SLC25A23: variants seen among roughly 807,000 people sequenced by gnomAD.
The protein encoded by SLC25A23 is mitochondrial adenyl nucleotide antiporter SLC25A23.
A neutral mutation model predicts 53.9 loss-of-function variants in SLC25A23; 32 were observed. The ratio of observed to expected loss-of-function variants is 0.59; its 90% CI spans 0.45 to 0.80. The LOEUF is 0.80. Ranked by LOEUF, SLC25A23 falls within the 30% of genes least tolerant of loss-of-function variation. The pLI, the probability that SLC25A23 is intolerant of heterozygous loss-of-function variation, is 0.00. For synonymous variants in SLC25A23, 275 were observed against 264.5 expected (o/e 1.04, Z -0.38); for missense variants, 575 against 651.4 (o/e 0.88, Z 1.28).
downstream of SLC25A23, chr19:6,438,850 C>CA (rs200860562): frequency 0.021 from 3,904 of 184,266 alleles, 68 homozygotes; most frequent in African/African-American, 0.04. Flanking sequence ...ACTCCTATAT[C>CA]AAAAAAAACA....
chr19:6,455,356 G>C (rs2092663292), intron 4 of SLC25A23, among the ~76,000 whole-genome samples: 2 of 151,988 alleles, frequency 1.3e-5, no homozygotes, highest in Non-Finnish European at 2.9e-5. Flanking sequence ...GATTCCAAAA[G>C]ATCCCTTCAG....
Position 6,454,762 on chromosome 19 carries a change from G to A in SLC25A23, c.484-45C>T. The A allele has an allele frequency of 6.2e-7, 1 of 1,604,854 alleles. No individual in the cohort carries two copies. The highest frequency in any genetic ancestry group is 1.1e-5 in the South Asian group (1 of 89,604). On this transcript the variant is annotated intron_variant, in intron 4 of 9. Transcript: ENST00000301454. The surrounding 1 kb of genome is among the most constrained non-coding windows in gnomAD (Gnocchi z 4.3). ...GGGTGTCATGCCATGGTGGGGACAGGGAGATGTGACTCAGTCCTAAATAGG... is the reference window on the plus strand; with the variant it reads ...GGGTGTCATGCCATGGTGGGGACAGAGAGATGTGACTCAGTCCTAAATAGG...
chr19:6,459,165 T>C lies in SLC25A23; in HGVS notation c.156+308A>G, dbSNP rs1338664054. On this transcript the variant is annotated intron_variant, in intron 1 of 9. Coordinates refer to ENST00000301454, the MANE Select transcript of SLC25A23 (RefSeq NM_024103.3). The surrounding 1 kb of genome is among the most constrained non-coding windows in gnomAD (Gnocchi z 4.6). The stretch of plus-strand genomic sequence containing the variant: ...AGGGCACGTCATGGGCTGTGCAGTC[T>C]GGAGGAGGGTGTGTCCCGGGCAGTG... 6.6e-6 allele frequency among the ~76,000 whole-genome samples: 1 copy of C among 152,100 alleles called. No homozygotes were observed. Among genetic ancestry groups the C allele is most frequent in the African/African-American group, 2.4e-5 (1 of 41,426 alleles).
intron 9 of SLC25A23, chr19:6,443,494 C>G: frequency 1.5e-6 from 1 of 662,078 alleles, no homozygotes; most frequent in East Asian, 2.8e-5. Flanking sequence ...TCCTAAAGTG[C>G]TGGGATTACA....
chr19:6,443,194 C>T (rs1220641362), intron 9 of SLC25A23, among the ~76,000 whole-genome samples: 1 of 152,130 alleles, frequency 6.6e-6, no homozygotes, highest in African/African-American at 2.4e-5. Context: ...CCACCTAGGC[C>T]TCCCAAGGTG....
chr19:6,452,735 G>A (rs2092610482), intron 7 of SLC25A23: 4 of 403,856 alleles, frequency 9.9e-6, no homozygotes, highest in Non-Finnish European at 1.3e-5. Context: ...GGTCATTTCT[G>A]TAGAGATGGG....
At chr19:6,438,634 A>C (rs2092365803), downstream of SLC25A23, 1 of 157,424 alleles carries the variant, frequency 6.4e-6, no homozygotes, top group African/African-American at 2.4e-5. Flanking sequence ...AAATCACCTG[A>C]GGTCAGGAGT....
rs952766897 is a variant in SLC25A23, at chr19:6,444,428, G to C, written c.1072-127C>G. The C allele has an allele frequency of 5.8e-6, 6 of 1,026,482 alleles. No homozygotes were observed. The African/African-American group carries it at 8.0e-5, about 14-fold the overall frequency. The allele number at this position is 1,026,482 out of a possible 1,614,324, so 63.6% of individuals were successfully genotyped here. A position where few individuals can be genotyped will look rare whatever the true frequency, so the allele number is the denominator to read the frequency against. On this transcript the variant is annotated intron_variant, in intron 8 of 9. Coordinates refer to ENST00000301454, the MANE Select transcript of SLC25A23 (RefSeq NM_024103.3). ...AGCTGAGCACTTGGTACCTCCTAGG[G>C]GCCGGGCCAGCCCTTTCCCTGCGTC...
chr19:6,446,800 A>G (rs1200829027), intron 8 of SLC25A23, among the ~76,000 whole-genome samples: 1 of 152,198 alleles, frequency 6.6e-6, no homozygotes, highest in Non-Finnish European at 1.5e-5. Context: ...GTATCTTAGA[A>G]GGTGACATTC....
intron 9 of SLC25A23, among the ~76,000 whole-genome samples, chr19:6,443,332 C>T (rs745874214): frequency 2.0e-5 from 3 of 152,134 alleles, no homozygotes; most frequent in Non-Finnish European, 2.9e-5. Flanking sequence ...AGTGATCCTC[C>T]GGCCTCAGCC....
In SLC25A23 at chr19:6,459,426, G is replaced by C; in HGVS notation, c.156+47C>G. On this transcript the variant is annotated intron_variant, in intron 1 of 9. Transcript: ENST00000301454. The surrounding 1 kb of genome is among the most constrained non-coding windows in gnomAD (Gnocchi z 4.6). ...CCAGTTCAGGGGCTTGGGTAACCGG[G>C]AGCGGGCGGGGCCGGGAGGGGAGGA... The C allele has an allele frequency of 6.6e-7, 1 of 1,523,194 alleles. No individual in the cohort carries two copies. The highest frequency in any genetic ancestry group is 8.8e-7 in the Non-Finnish European group (1 of 1,139,212). 94.4% of individuals were successfully genotyped at this position (1,523,194 alleles called of 1,614,324 possible). A position where few individuals can be genotyped will look rare whatever the true frequency, so the allele number is the denominator to read the frequency against.
intron 4 of SLC25A23, 149 bp downstream of exon 4, chr19:6,456,271 G>A: frequency 1.1e-6 from 1 of 939,370 alleles, no homozygotes; most frequent in Non-Finnish European, 1.6e-6. Flanking sequence ...AGGAAGAGAG[G>A]AACAGACCCT....
chr19:6,436,458 C>T, downstream of SLC25A23: 1 of 456,090 alleles, frequency 2.2e-6, no homozygotes, highest in Non-Finnish European at 4.4e-6. Context: ...CATGGCATGA[C>T]CACCGGCTTC....
At chr19:6,447,730 G>A (rs1263927242) in intron 8 of SLC25A23, among the ~76,000 whole-genome samples, 2 of 152,116 alleles carry the variant, frequency 1.3e-5, no homozygotes, top group African/African-American at 2.4e-5. Context: ...GAGTGCAGCG[G>A]CACAATCTCA....
At chr19:6,449,972 C>T (rs771305031) in intron 8 of SLC25A23, among the ~76,000 whole-genome samples, 1 of 151,302 alleles carries the variant, frequency 6.6e-6, no homozygotes, top group Non-Finnish European at 1.5e-5. Flanking sequence ...ATTCTCCTAC[C>T]TCAGACTCCT....
Position 6,458,330 on chromosome 19 carries a change from A to G in SLC25A23, c.157-6T>C, listed in dbSNP as rs1214234449. On this transcript the variant is annotated splice_region_variant and splice_polypyrimidine_tract_variant and intron_variant, in intron 1 of 9. Coordinates refer to ENST00000301454, the MANE Select transcript of SLC25A23 (RefSeq NM_024103.3). ...TCACCCTCAGAGGAGATACCCTGACAGAGGGAAAGGGGATAGAGGTGGCTC... is the reference window on the plus strand; with the variant it reads ...TCACCCTCAGAGGAGATACCCTGACGGAGGGAAAGGGGATAGAGGTGGCTC... The G allele has an allele frequency of 3.7e-6, 6 of 1,611,922 alleles. No individual in the cohort carries two copies. Among genetic ancestry groups the G allele is most frequent in the Non-Finnish European group, 5.1e-6 (6 of 1,179,720 alleles).
chr19:6,441,372 G>A lies in SLC25A23; in HGVS notation c.*603C>T, dbSNP rs776834950. 29 of 153,724 alleles carry A rather than the reference G, an allele frequency of 1.9e-4. No homozygotes were observed. The highest frequency in any genetic ancestry group is 6.0e-4 in the African/African-American group (25 of 41,408). The allele number at this position is 153,724 out of a possible 1,614,324, so 9.5% of individuals were successfully genotyped here. A position where few individuals can be genotyped will look rare whatever the true frequency, so the allele number is the denominator to read the frequency against. ...AGCTGAGCTTGGAGATCCAGGGCTC[G>A]AGGCATGGGGATCTGGGGTTGGGGA... On this transcript the variant is annotated 3_prime_UTR_variant, in exon 10 of 10. Coordinates refer to ENST00000301454, the MANE Select transcript of SLC25A23 (RefSeq NM_024103.3).
In SLC25A23 at chr19:6,453,103, C is replaced by T. The variant is rs373555941; in HGVS notation, c.904-624G>A. ...TGGCTGGAGTGTGGAATGTGATGAA[C>T]GGAGCACAAGCAGCCACATTGGTCC... On this transcript the variant is annotated intron_variant, in intron 7 of 9. Transcript: ENST00000301454. Among the ~76,000 whole-genome samples, 12 of 152,106 alleles carry T rather than the reference C, an allele frequency of 7.9e-5. No individual in the cohort carries two copies. In the East Asian group the frequency reaches 1.4e-3, roughly 17 times the overall value.
At chr19:6,444,518 T>C (rs2092475274) in intron 8 of SLC25A23, among the ~76,000 whole-genome samples, 1 of 152,162 alleles carries the variant, frequency 6.6e-6, no homozygotes, top group Admixed American at 6.5e-5. Flanking sequence ...GTACTGACTA[T>C]GCCCTAATCT....
Sources: allele counts gnomAD v4.1 joint callset (sites outside exome capture counted in the v4.1 genomes callset), GRCh38; gene constraint gnomAD v4.1.1; non-coding constraint Gnocchi (gnomAD v3.1); transcripts MANE v1.5; gene names NCBI Gene and HGNC (gene_info 2026-07-23, HGNC 2026-07-21).